The following PDK2 variants were observed in gnomAD, a reference collection of about 807,000 sequenced individuals.
PDK2 encodes the protein pyruvate dehydrogenase kinase, isozyme 2.
PDK2 carries 34 observed loss-of-function variants against 50.4 expected under a neutral mutation model. That is an observed-to-expected ratio of 0.68 (90% CI 0.51 to 0.90). The LOEUF is 0.90. Ranked by LOEUF, PDK2 falls within the 40% of genes least tolerant of loss-of-function variation. PDK2 has a pLI of 0.00. For missense variants in PDK2, 377 were observed against 544.5 expected (o/e 0.69, Z 3.06); for synonymous variants, 232 against 216.0 (o/e 1.07, Z -0.65).
intron 2 of PDK2, among the ~76,000 whole-genome samples, chr17:50,103,329 G>T (rs1910331863): frequency 6.6e-6 from 1 of 152,160 alleles, no homozygotes. Context: ...TGGCAGTGGG[G>T]CAGGTCTCCA....
In PDK2 at chr17:50,109,808, G is replaced by C; in HGVS notation, c.1084-149G>C. ...GGGAGCTGCTTGCTTGAATGGGCAG[G>C]AGCGGGACACAGGAGGGACCACCCT... On this transcript the variant is annotated intron_variant, in intron 10 of 10. Transcript: ENST00000503176. The surrounding 1 kb of genome is among the most constrained non-coding windows in gnomAD (Gnocchi z 5.0). The C allele has an allele frequency of 1.2e-6, 1 of 824,120 alleles. No homozygotes were observed. Among genetic ancestry groups the C allele is most frequent in the South Asian group, 2.2e-5 (1 of 44,646 alleles). The allele number at this position is 824,120 out of a possible 1,614,324, so 51.1% of individuals were successfully genotyped here.
intron 9 of PDK2, 117 bp downstream of exon 9, chr17:50,108,836 C>G (rs1276319308): frequency 4.4e-6 from 3 of 676,826 alleles, no homozygotes; most frequent in Non-Finnish European, 7.8e-6. Context: ...AGTCACCTGT[C>G]TTGAATCTGG....
At position 50,111,225 on chromosome 17, in the gene PDK2, C is replaced by T. The variant is rs1383218384; in HGVS notation, c.*1128C>T. On this transcript the variant is annotated 3_prime_UTR_variant, in exon 11 of 11. Transcript: ENST00000503176. ...CATCTGTTCAGAACGCCGGATGGCC[C>T]AGCACCTGGTGACAGACCTGTTGTC... 1.3e-5 allele frequency: 2 copies of T among 152,306 alleles called. No homozygotes were observed. The highest frequency in any genetic ancestry group is 2.9e-5 in the Non-Finnish European group (2 of 68,080). 9.4% of individuals were successfully genotyped at this position (152,306 alleles called of 1,614,324 possible). A position where few individuals can be genotyped will look rare whatever the true frequency, so the allele number is the denominator to read the frequency against.
At chr17:50,097,347 T>A (rs1017963798) in intron 1 of PDK2, 76 bp from the exon 2 acceptor site, 4 of 1,499,794 alleles carry the variant, frequency 2.7e-6, no homozygotes, top group Non-Finnish European at 2.7e-6. Flanking sequence ...AATGAAGGGT[T>A]TAGCTGACCT....
At chr17:50,108,577 T>C in intron 8 of PDK2, 35 bp from the exon 9 acceptor site, 1 of 1,539,234 alleles carries the variant, frequency 6.5e-7, no homozygotes, top group Non-Finnish European at 8.9e-7. Flanking sequence ...GAAAATGAGC[T>C]GTAAAGAATC....
At chr17:50,104,039 G>A (rs528195636) in intron 2 of PDK2, among the ~76,000 whole-genome samples, 2 of 152,056 alleles carry the variant, frequency 1.3e-5, no homozygotes, top group African/African-American at 4.8e-5. Context: ...TCTAGGTAGC[G>A]CCCCCCCTTC....
At chr17:50,105,733 A>T (rs1474031190) in intron 3 of PDK2, 152 bp from the exon 4 acceptor site, 1 of 1,115,890 alleles carries the variant, frequency 9.0e-7, no homozygotes, top group Non-Finnish European at 1.2e-6. Context: ...AGGCAGCTAA[A>T]AGATCAGAGT....
rs562270304 is a variant in PDK2, at chr17:50,107,840, T to A, written c.686-316T>A. ...CTTGGCTGCTTTCCTAGAACCCCAA[T>A]ACCAGTGGCTTACTTAAGAGGGAGG... On this transcript the variant is annotated intron_variant, in intron 6 of 10. Coordinates refer to ENST00000503176, the MANE Select transcript of PDK2 (RefSeq NM_002611.5). Among the ~76,000 whole-genome samples, 19 of 152,294 alleles carry A rather than the reference T, an allele frequency of 1.2e-4. No homozygotes were observed. In the South Asian group the frequency reaches 3.3e-3, roughly 27 times the overall value.
upstream of PDK2, chr17:50,095,260 T>G (rs1909867627): frequency 5.5e-6 from 3 of 546,148 alleles, no homozygotes; most frequent in East Asian, 6.5e-5. Flanking sequence ...CGCCCGGAGT[T>G]GTTTGTGAGT....
At position 50,104,966 on chromosome 17, in the gene PDK2, T is replaced by G. The variant is rs1026676242; in HGVS notation, c.261-405T>G. Among the ~76,000 whole-genome samples, 3 of 152,290 alleles carry G rather than the reference T, an allele frequency of 2.0e-5. No homozygotes were observed. In the East Asian group the frequency reaches 5.8e-4, roughly 29 times the overall value. ...GCGGGGAGAAACATTAGGAGCTGTT[T>G]CCACACTGGGGCTCAGAGAAGTTGA... is the stretch of plus-strand genomic sequence containing the variant. On this transcript the variant is annotated intron_variant, in intron 2 of 10. Transcript: ENST00000503176.
Position 50,110,422 on chromosome 17 carries a change from G to T in PDK2, c.*325G>T. On this transcript the variant is annotated 3_prime_UTR_variant, in exon 11 of 11. Transcript: ENST00000503176. The stretch of plus-strand genomic sequence containing the variant: ...CCAGGGCTGTCACTTTTCTGCCAGG[G>T]GTACTGGGTCCCCCTCAGCACCCTC... 4.6e-6 allele frequency: 1 copy of T among 218,512 alleles called. No individual in the cohort carries two copies. The highest frequency in any genetic ancestry group is 1.0e-4 in the East Asian group (1 of 9,864). 13.5% of individuals were successfully genotyped at this position (218,512 alleles called of 1,614,324 possible).
chr17:50,104,961 C>A (rs1167257675), intron 2 of PDK2, among the ~76,000 whole-genome samples: 1 of 152,212 alleles, frequency 6.6e-6, no homozygotes, highest in Non-Finnish European at 1.5e-5. Flanking sequence ...ACATTAGGAG[C>A]TGTTTCCACA....
chr17:50,106,619 G>A (rs1910529826), intron 4 of PDK2, 175 bp from the exon 5 acceptor site: 1 of 627,678 alleles, frequency 1.6e-6, no homozygotes, highest in African/African-American at 1.8e-5. Flanking sequence ...GCCAGGGCTG[G>A]AGGGGTCAGG....
At chr17:50,095,934 A>T in intron 1 of PDK2, 1 of 526,098 alleles carries the variant, frequency 1.9e-6, no homozygotes, top group Non-Finnish European at 2.5e-6. Flanking sequence ...CCACCAGAGG[A>T]AACCGGGGGT....
intron 4 of PDK2, 185 bp from the exon 5 acceptor site, chr17:50,106,609 G>T (rs1471299257): frequency 1.1e-5 from 7 of 614,716 alleles, no homozygotes; most frequent in Non-Finnish European, 2.0e-5. Flanking sequence ...AACGGCCTAA[G>T]CCAGGGCTGG....
intron 1 of PDK2, chr17:50,095,762 A>C (rs16948697): frequency 7.1e-7 from 1 of 1,400,992 alleles, no homozygotes; most frequent in East Asian, 2.7e-5. Context: ...GGGCATTTAC[A>C]AGGACGGTCC....
intron 1 of PDK2, among the ~76,000 whole-genome samples, chr17:50,096,482 G>T (rs955899293): frequency 2.0e-5 from 3 of 152,182 alleles, no homozygotes; most frequent in African/African-American, 7.2e-5. Flanking sequence ...GGTTGCAGCT[G>T]CGTCAATGAT....
chr17:50,107,985 CA>C, intron 6 of PDK2, 170 bp from the exon 7 acceptor site: 1 of 634,784 alleles, frequency 1.6e-6, no homozygotes, highest in South Asian at 1.8e-5. Flanking sequence ...TTGAATGCAT[CA>C]CTTCCATGAG....
rs61538411 is a variant in PDK2, at chr17:50,103,745, A to G, written c.261-1626A>G. Among the ~76,000 whole-genome samples the G allele has an allele frequency of 8.1e-4, 123 of 152,302 alleles. 3 individuals carry two copies. The East Asian group carries it at 0.02, about 25-fold the overall frequency. On this transcript the variant is annotated intron_variant, in intron 2 of 10. Transcript: ENST00000503176. ...TTAAGGGGAAGGGCATTCCTAGCAG[A>G]GGGCACTGTGTGAACAGAAGCGTGG...
Sources: allele counts gnomAD v4.1 joint callset (sites outside exome capture counted in the v4.1 genomes callset), GRCh38; gene constraint gnomAD v4.1.1; non-coding constraint Gnocchi (gnomAD v3.1); transcripts MANE v1.5; gene names NCBI Gene and HGNC (gene_info 2026-07-23, HGNC 2026-07-21).